HSD17B2: variants seen among roughly 807,000 people sequenced by gnomAD.
HSD17B2 encodes 17-beta-hydroxysteroid dehydrogenase type 2.
A neutral mutation model predicts 26.9 loss-of-function variants in HSD17B2; 32 were observed. That is an observed-to-expected ratio of 1.19 (90% confidence interval 0.90 to 1.60). The LOEUF (loss-of-function observed/expected upper bound fraction) is 1.60, where lower values mean the gene tolerates loss of function less well. Ranked by LOEUF, HSD17B2 falls within the 40% of genes most tolerant of loss-of-function variation. The probability of loss-of-function intolerance (pLI) is 0.00; values close to 1 mark genes in which losing one functional copy is unlikely to be tolerated. For missense variants in HSD17B2, 613 were observed against 468.6 expected (o/e 1.31, Z -2.85); for synonymous variants, 246 against 186.7 (o/e 1.32, Z -2.59).
intron 1 of HSD17B2, among the ~76,000 whole-genome samples, chr16:82,049,294 C>G (rs1317749143): frequency 6.6e-6 from 1 of 152,146 alleles, no homozygotes; most frequent in Non-Finnish European, 1.5e-5. Context: ...ACTGAACATT[C>G]TATAATGCAA....
intron 1 of HSD17B2, among the ~76,000 whole-genome samples, chr16:82,047,588 G>T (rs1480021842): frequency 2.0e-5 from 3 of 152,210 alleles, no homozygotes; most frequent in Admixed American, 6.5e-5. Context: ...GAAGTGAGAA[G>T]AGGCAAGAGG....
intron 1 of HSD17B2, among the ~76,000 whole-genome samples, chr16:82,044,089 C>A (rs1315461981): frequency 6.6e-6 from 1 of 152,206 alleles, no homozygotes; most frequent in Admixed American, 6.5e-5. Context: ...GTTCATCATT[C>A]TATTTAGCCT....
In HSD17B2 at chr16:82,065,919, C is replaced by A. The variant is rs185852665; in HGVS notation, c.266-2251C>A. On this transcript the variant is annotated intron_variant, in intron 1 of 4. Coordinates refer to ENST00000199936, the MANE Select transcript of HSD17B2 (RefSeq NM_002153.3). ...ACATTTGGGGAATAATTTTATAAGA[C>A]AGACTTGACCACTACTGGTATTTAG... Among the ~76,000 whole-genome samples, 56 of 152,258 alleles carry A rather than the reference C, an allele frequency of 3.7e-4. 1 individual carries two copies. In the Middle Eastern group the frequency reaches 0.034, roughly 92 times the overall value.
At chr16:82,078,861 C>G (rs1052844795) in intron 3 of HSD17B2, among the ~76,000 whole-genome samples, 3 of 151,988 alleles carry the variant, frequency 2.0e-5, no homozygotes, top group African/African-American at 7.3e-5. Flanking sequence ...AGGATGGTTA[C>G]CAGAGGCTGG....
At chr16:82,091,720 G>T (rs1268486574) in intron 4 of HSD17B2, 1 of 152,940 alleles carries the variant, frequency 6.5e-6, no homozygotes. Flanking sequence ...AGTGCAGGGG[G>T]TTGGGAAGGG....
chr16:82,056,114 G>T (rs1180706037), intron 1 of HSD17B2, among the ~76,000 whole-genome samples: 3 of 152,188 alleles, frequency 2.0e-5, no homozygotes, highest in African/African-American at 7.2e-5. Context: ...AAGCGGCTGA[G>T]TGAGTTTTTG....
chr16:82,067,678 C>T (rs997177467), intron 1 of HSD17B2, among the ~76,000 whole-genome samples: 4 of 152,212 alleles, frequency 2.6e-5, no homozygotes, highest in Non-Finnish European at 5.9e-5. Context: ...TTTTTATAAT[C>T]CAGCATGAAC....
At position 82,053,612 on chromosome 16, in the gene HSD17B2, G is replaced by A. The variant is rs376007329; in HGVS notation, c.266-14558G>A. On this transcript the variant is annotated intron_variant, in intron 1 of 4. Coordinates refer to ENST00000199936, the MANE Select transcript of HSD17B2 (RefSeq NM_002153.3). ...GAGGCCAAGAACTGTGTCCATCTTG[G>A]TCACCATTGTACCTGTAGCACCTAG... Among the ~76,000 whole-genome samples the A allele has an allele frequency of 1.5e-4, 23 of 152,252 alleles. No individual in the cohort carries two copies. In the South Asian group the frequency reaches 4.8e-3, roughly 32 times the overall value.
At chr16:82,074,212 T>C (rs1240049787) in intron 3 of HSD17B2, among the ~76,000 whole-genome samples, 1 of 152,230 alleles carries the variant, frequency 6.6e-6, no homozygotes, top group Admixed American at 6.5e-5. Flanking sequence ...TTCAGATCTT[T>C]GAGTCATCTT....
chr16:82,063,355 C>T lies in HSD17B2; in HGVS notation c.266-4815C>T, dbSNP rs1914494510. The T allele has an allele frequency of 2.0e-5, 3 of 152,142 alleles. No homozygotes were observed. The South Asian group carries it at 6.2e-4, about 32-fold the overall frequency. The allele number at this position is 152,142 out of a possible 1,614,324, so 9.4% of individuals were successfully genotyped here. A position where few individuals can be genotyped will look rare whatever the true frequency, so the allele number is the denominator to read the frequency against. On this transcript the variant is annotated intron_variant, in intron 1 of 4. Coordinates refer to ENST00000199936, the MANE Select transcript of HSD17B2 (RefSeq NM_002153.3). Reference sequence around the variant, plus strand: ...GGCATTTCACAAATATTAACTGACACAGGTACCATTATTTAGCCCATTTTA... The same window carrying T: ...GGCATTTCACAAATATTAACTGACATAGGTACCATTATTTAGCCCATTTTA...
At chr16:82,065,520 G>T (rs989521454) in intron 1 of HSD17B2, among the ~76,000 whole-genome samples, 5 of 152,204 alleles carry the variant, frequency 3.3e-5, no homozygotes. Context: ...TAATAAGGCA[G>T]AAGCATAAGG....
chr16:82,089,968 T>A (rs8191215), intron 3 of HSD17B2, among the ~76,000 whole-genome samples: 344 of 152,280 alleles, frequency 2.3e-3, no homozygotes, highest in African/African-American at 7.7e-3. Context: ...TTATAGCTGG[T>A]CCAGTGACAA....
At position 82,098,435 on chromosome 16, in the gene HSD17B2, A is replaced by T; in HGVS notation, c.1163A>T (p.Ter388LeuextTer12). The change falls in exon 5 of 5, where the codon TAG (stop) becomes TTG (leucine). Residue 388 changes from the stop codon to leucine (L), a stop_lost. Coordinates refer to ENST00000199936, the MANE Select transcript of HSD17B2 (RefSeq NM_002153.3). Reference sequence around the variant, plus strand: ...CCTAACTACAAGAAAAAGGCCACCTAGGCAATGGAAGCCCTCAAAGAAGTC... The same window carrying T: ...CCTAACTACAAGAAAAAGGCCACCTTGGCAATGGAAGCCCTCAAAGAAGTC... The part of the protein sequence containing the change: ...RMPNYKKKAT[*>L] The T allele has an allele frequency of 6.3e-7, 1 of 1,589,514 alleles. No homozygotes were observed. Among genetic ancestry groups the T allele is most frequent in the Non-Finnish European group, 8.6e-7 (1 of 1,168,424 alleles).
At chr16:82,059,119 T>C (rs2047752515) in intron 1 of HSD17B2, among the ~76,000 whole-genome samples, 1 of 152,218 alleles carries the variant, frequency 6.6e-6, no homozygotes, top group African/African-American at 2.4e-5. Flanking sequence ...AGGAGGAAAC[T>C]GGAGTTCTCT....
intron 4 of HSD17B2, chr16:82,094,403 T>A (rs577529690): frequency 1.3e-5 from 2 of 152,348 alleles, no homozygotes; most frequent in Admixed American, 1.3e-4. Context: ...GAGGAGCAGG[T>A]TTCATTGACA....
intron 1 of HSD17B2, among the ~76,000 whole-genome samples, chr16:82,065,315 C>T (rs1046247544): frequency 2.6e-5 from 4 of 152,188 alleles, no homozygotes; most frequent in African/African-American, 4.8e-5. Context: ...TCTTAGCTCT[C>T]TAGAGAGCAG....
At chr16:82,082,645 G>A (rs1904414597) in intron 3 of HSD17B2, among the ~76,000 whole-genome samples, 1 of 152,076 alleles carries the variant, frequency 6.6e-6, no homozygotes, top group Admixed American at 6.5e-5. Context: ...TAAAAATGAG[G>A]TTCCTGAGGA....
chr16:82,040,131 C>G (rs1319891574), intron 1 of HSD17B2, among the ~76,000 whole-genome samples: 2 of 152,104 alleles, frequency 1.3e-5, no homozygotes, highest in African/African-American at 2.4e-5. Context: ...GAGAACGGAT[C>G]CAGGAGGAGA....
chr16:82,091,533 G>C (rs897212607), intron 4 of HSD17B2: 1 of 170,568 alleles, frequency 5.9e-6, no homozygotes, highest in African/African-American at 2.4e-5. Flanking sequence ...TTTTTAGTAA[G>C]TATTTCAGGA....
Sources: allele counts gnomAD v4.1 joint callset (sites outside exome capture counted in the v4.1 genomes callset), GRCh38; gene constraint gnomAD v4.1.1; transcripts MANE v1.5; gene names NCBI Gene and HGNC (gene_info 2026-07-23, HGNC 2026-07-21).